The following NREP variants were observed in gnomAD, a reference collection of about 807,000 sequenced individuals.
NREP encodes the protein neuronal regeneration-related protein.
A neutral mutation model predicts 8.6 loss-of-function variants in NREP; 5 were observed. The ratio of observed to expected loss-of-function variants is 0.58; its 90% CI spans 0.30 to 1.22. The LOEUF is 1.22. NREP is among the 50% of genes most tolerant of loss of function. The pLI, the probability that NREP is intolerant of heterozygous loss-of-function variation, is 0.07. For missense variants in NREP, 86 were observed against 82.5 expected (o/e 1.04, Z -0.17); for synonymous variants, 27 against 28.0 (o/e 0.96, Z 0.11).
chr5:111,764,033 T>C (rs1026050046), intron 2 of NREP, among the ~76,000 whole-genome samples: 7 of 152,254 alleles, frequency 4.6e-5, no homozygotes, highest in Non-Finnish European at 7.3e-5. Context: ...TATCCCCTGA[T>C]ATGATGCCAT....
At chr5:111,794,224 A>G (rs1400971096) in intron 2 of NREP, among the ~76,000 whole-genome samples, 1 of 152,224 alleles carries the variant, frequency 6.6e-6, no homozygotes, top group African/African-American at 2.4e-5. Context: ...GCTGTTCAGA[A>G]TGCAAATGCT....
At chr5:111,755,681 G>A in intron 2 of NREP, 89 bp downstream of exon 2, 1 of 1,424,528 alleles carries the variant, frequency 7.0e-7, no homozygotes, top group South Asian at 1.1e-5. Flanking sequence ...ACAATGAAGG[G>A]TTGAGGCGGA....
At chr5:111,923,032 T>A (rs1364316837) in intron 2 of NREP, among the ~76,000 whole-genome samples, 1 of 152,202 alleles carries the variant, frequency 6.6e-6, no homozygotes, top group Non-Finnish European at 1.5e-5. Context: ...AAAGTGAAGA[T>A]AAAAGCCTAT....
rs1333611284 is a variant in NREP, at chr5:111,967,561, A to G, written c.135+7713T>C. 2.6e-5 allele frequency among the ~76,000 whole-genome samples: 4 copies of G among 152,182 alleles called. No homozygotes were observed. The East Asian group carries it at 7.7e-4, about 29-fold the overall frequency. On this transcript the variant is annotated intron_variant, in intron 2 of 3. Transcript: ENST00000395634. ...TTTTATGATTTTACCTTCAATCACC[A>G]TAGCTTCTTTGCTCCAGCCAAGGCA...
chr5:111,952,263 C>T (rs919602500), intron 2 of NREP, among the ~76,000 whole-genome samples: 2 of 152,144 alleles, frequency 1.3e-5, no homozygotes, highest in Non-Finnish European at 2.9e-5. Context: ...ACCATCTACA[C>T]CTAAGGCCAG....
chr5:111,804,891 C>T (rs1333650077), intron 2 of NREP, among the ~76,000 whole-genome samples: 1 of 152,120 alleles, frequency 6.6e-6, no homozygotes, highest in Non-Finnish European at 1.5e-5. Context: ...GGCCCAGCTA[C>T]TGGGGAGGCT....
At chr5:111,826,028 A>C (rs1752615116) in intron 2 of NREP, among the ~76,000 whole-genome samples, 1 of 150,166 alleles carries the variant, frequency 6.7e-6, no homozygotes, top group Admixed American at 6.7e-5. Flanking sequence ...GTCTCAGCTC[A>C]CTGTAACCTC....
At chr5:111,757,335 G>T (rs191193161), upstream of NREP, 22 of 860,192 alleles carry the variant, frequency 2.6e-5, no homozygotes, top group Admixed American at 1.9e-4. Context: ...TCACTTCCAA[G>T]AAGTGCAGCC....
intron 2 of NREP, among the ~76,000 whole-genome samples, chr5:111,884,378 C>T (rs564038855): frequency 1.3e-4 from 19 of 151,952 alleles, no homozygotes; most frequent in Admixed American, 3.9e-4. Flanking sequence ...GATTCACAGC[C>T]GGATTCTACC....
intron 2 of NREP, among the ~76,000 whole-genome samples, chr5:111,832,853 A>G (rs6594545): frequency 0.65 from 98,057 of 151,994 alleles, 32,132 homozygotes; most frequent in Non-Finnish European, 0.71. Flanking sequence ...TGGTACCTTG[A>G]ACAAACGGGG....
At chr5:111,875,458 T>G (rs1753881957) in intron 2 of NREP, among the ~76,000 whole-genome samples, 1 of 152,170 alleles carries the variant, frequency 6.6e-6, no homozygotes, top group Non-Finnish European at 1.5e-5. Context: ...CATAGAAATC[T>G]TATTGTGGTT....
chr5:111,953,672 T>G (rs139693638), intron 2 of NREP, among the ~76,000 whole-genome samples: 2 of 152,016 alleles, frequency 1.3e-5, no homozygotes, highest in Non-Finnish European at 2.9e-5. Context: ...AGAACGAGGA[T>G]AGGAACCAAG....
intron 2 of NREP, among the ~76,000 whole-genome samples, chr5:111,852,732 T>C (rs1272814409): frequency 6.6e-6 from 1 of 152,102 alleles, no homozygotes; most frequent in Non-Finnish European, 1.5e-5. Context: ...ATATGTTCTG[T>C]GACTCAATAC....
chr5:111,805,742 ATGTTTAC>A (rs1752124698), intron 2 of NREP, among the ~76,000 whole-genome samples: 1 of 149,006 alleles, frequency 6.7e-6, no homozygotes, highest in African/African-American at 2.5e-5. Context: ...GGTGTTATAT[ATGTTTAC>A]TACACAGAGA....
intron 2 of NREP, among the ~76,000 whole-genome samples, chr5:111,844,408 T>C (rs1301040457): frequency 6.6e-6 from 1 of 151,676 alleles, no homozygotes; most frequent in Non-Finnish European, 1.5e-5. Flanking sequence ...AAATTAATAA[T>C]TATTTTTACA....
chr5:111,920,481 T>C (rs552242490), intron 2 of NREP, among the ~76,000 whole-genome samples: 2 of 152,094 alleles, frequency 1.3e-5, no homozygotes, highest in African/African-American at 4.8e-5. Context: ...TCAGCCGAAG[T>C]TCTTAGTCTT....
chr5:111,838,925 A>G (rs1752960846), intron 2 of NREP, among the ~76,000 whole-genome samples: 1 of 152,132 alleles, frequency 6.6e-6, no homozygotes, highest in African/African-American at 2.4e-5. Flanking sequence ...CATGGATTTA[A>G]TTAGACAATT....
chr5:111,778,484 A>G (rs78456774), intron 2 of NREP, among the ~76,000 whole-genome samples: 4,400 of 152,124 alleles, frequency 0.029, 85 homozygotes, highest in East Asian at 0.063. Context: ...CTTTTTGTCT[A>G]TTTCATGGCC....
At chr5:111,728,913 G>A (rs1174283533), downstream of NREP, 3 of 134,486 alleles carry the variant, frequency 2.2e-5, no homozygotes, top group Admixed American at 6.9e-5. Flanking sequence ...CTTTTGGCAG[G>A]GAAAAAGAAA....
Sources: allele counts gnomAD v4.1 joint callset (sites outside exome capture counted in the v4.1 genomes callset), GRCh38; gene constraint gnomAD v4.1.1; transcripts MANE v1.5; gene names NCBI Gene and HGNC (gene_info 2026-07-23, HGNC 2026-07-21).